The following SAMSN1 variants were observed in gnomAD, a reference collection of about 807,000 sequenced individuals.
SAMSN1 encodes the protein SAM domain-containing protein SAMSN-1.
SAMSN1 carries 31 observed loss-of-function variants against 42.0 expected under a neutral mutation model. That is an observed-to-expected ratio of 0.74 (90% CI 0.55 to 1.00). SAMSN1 has a LOEUF of 1.00. SAMSN1 is among the 50% of genes least tolerant of loss of function. The probability of loss-of-function intolerance (pLI) is 0.00; values close to 1 mark genes in which losing one functional copy is unlikely to be tolerated. For synonymous variants in SAMSN1, 178 were observed against 151.9 expected (o/e 1.17, Z -1.26); for missense variants, 464 against 439.4 (o/e 1.06, Z -0.50).
Position 14,510,450 on chromosome 21 carries a change from T to C in SAMSN1, c.421A>G (p.Ser141Gly). 1 of 1,614,192 alleles carries C rather than the reference T, an allele frequency of 6.2e-7. No individual in the cohort carries two copies. Among genetic ancestry groups the C allele is most frequent in the Non-Finnish European group, 8.5e-7 (1 of 1,180,008 alleles). The change falls in exon 5 of 8, where the codon AGC (serine) becomes GGC (glycine). Residue 141 changes from serine (S) to glycine (G), a missense_variant. Ser to Gly is a moderately conservative substitution (Grantham distance 56). Transcript: ENST00000400566. Reference protein sequence around the residue: ...SGQSSSSGITSCSDGTSNRDS... With the variant: ...SGQSSSSGITGCSDGTSNRDS... Reference sequence around the variant, plus strand: ...CGGTTACTTGTACCATCTGAACAGCTTGTTATGCCACCTGATGAAAGCAGA... The same window carrying C: ...CGGTTACTTGTACCATCTGAACAGCCTGTTATGCCACCTGATGAAAGCAGA...
At chr21:14,563,155 CAATGT>C (rs1980999105) in intron 2 of SAMSN1, among the ~76,000 whole-genome samples, 1 of 116,042 alleles carries the variant, frequency 8.6e-6, no homozygotes, top group African/African-American at 3.1e-5. Context: ...TCATATTCTG[CAATGT>C]CATCATAACC....
chr21:14,602,218 CA>C, intron 5 of SAMSN1: 2 of 347,594 alleles, frequency 5.8e-6, no homozygotes, highest in Admixed American at 4.8e-5. Context: ...TTGGCTACGT[CA>C]AAAATATTTT....
intron 1 of SAMSN1, among the ~76,000 whole-genome samples, chr21:14,522,315 C>T (rs1031917494): frequency 2.0e-5 from 3 of 152,168 alleles, no homozygotes; most frequent in Admixed American, 6.5e-5. Context: ...GATATTTCCT[C>T]ACTATCTAAT....
Position 14,488,886 on chromosome 21 carries a change from C to G in SAMSN1, c.920-2772G>C, listed in dbSNP as rs138404640. The stretch of plus-strand genomic sequence containing the variant: ...ATTTCAGGCAGGTGATCAGCTGGAA[C>G]TCTCAACTGTAACTATAAAAAGGCA... On this transcript the variant is annotated intron_variant, in intron 7 of 7. Transcript: ENST00000400566. Among the ~76,000 whole-genome samples the G allele has an allele frequency of 5.3e-5, 8 of 152,308 alleles. No individual in the cohort carries two copies. The East Asian group carries it at 1.5e-3, about 29-fold the overall frequency.
chr21:14,646,591 T>C (rs1983718025), intron 1 of SAMSN1, among the ~76,000 whole-genome samples: 1 of 152,058 alleles, frequency 6.6e-6, no homozygotes, highest in Non-Finnish European at 1.5e-5. Context: ...AACTCACTGG[T>C]AATAGTAAGT....
At chr21:14,605,799 G>A (rs973856298) in intron 5 of SAMSN1, among the ~76,000 whole-genome samples, 2 of 150,376 alleles carry the variant, frequency 1.3e-5, no homozygotes, top group African/African-American at 4.9e-5. Context: ...TAAGCCATAT[G>A]TAAAGAAGAT....
At chr21:14,534,061 C>A (rs529070019) in intron 1 of SAMSN1, among the ~76,000 whole-genome samples, 47 of 152,288 alleles carry the variant, frequency 3.1e-4, no homozygotes, top group African/African-American at 1.1e-3. Flanking sequence ...GATTACATTA[C>A]AATGTGTGAT....
At chr21:14,606,065 C>T (rs147484726) in intron 5 of SAMSN1, among the ~76,000 whole-genome samples, 1 of 152,048 alleles carries the variant, frequency 6.6e-6, no homozygotes, top group Non-Finnish European at 1.5e-5. Context: ...TGGTCTTGAT[C>T]TCCTGACCTC....
intron 2 of SAMSN1, among the ~76,000 whole-genome samples, chr21:14,635,545 A>G (rs73894121): frequency 0.03 from 4,599 of 152,216 alleles, 208 homozygotes; most frequent in African/African-American, 0.1. Flanking sequence ...CATCAACAGT[A>G]AATCCTGTTG....
intron 7 of SAMSN1, among the ~76,000 whole-genome samples, chr21:14,498,106 A>C (rs946559226): frequency 6.6e-6 from 1 of 152,200 alleles, no homozygotes; most frequent in African/African-American, 2.4e-5. Flanking sequence ...TTTCGCACTA[A>C]TGGCTTATGC....
At chr21:14,625,224 G>A (rs445139) in intron 2 of SAMSN1, among the ~76,000 whole-genome samples, 25,743 of 151,940 alleles carry the variant, frequency 0.17, 2,810 homozygotes, top group African/African-American at 0.31. Context: ...GCACAAGACA[G>A]GGATGCCCTC....
chr21:14,506,917 A>T (rs1987437580), intron 5 of SAMSN1, among the ~76,000 whole-genome samples: 1 of 152,230 alleles, frequency 6.6e-6, no homozygotes, highest in Admixed American at 6.5e-5. Context: ...GTGATACACC[A>T]CATAAACAGA....
Position 14,541,520 on chromosome 21 carries a change from T to TGTTTG in SAMSN1, c.57+4684_57+4685insCAAAC, listed in dbSNP as rs1334757538. Reference sequence around the variant, plus strand: ...TTTGTTTGTGATTTTTTGTGGTTTTTTTTGTTTGTTTGTTTGTTTTTAGCT... The same window carrying TGTTTG: ...TTTGTTTGTGATTTTTTGTGGTTTTTGTTTGTTTGTTTGTTTGTTTGTTTTTAGCT... On this transcript the variant is annotated intron_variant, in intron 1 of 7. Coordinates refer to ENST00000400566, the MANE Select transcript of SAMSN1 (RefSeq NM_022136.5). 3.3e-5 allele frequency among the ~76,000 whole-genome samples: 5 copies of TGTTTG among 151,654 alleles called. No individual in the cohort carries two copies. In the East Asian group the frequency reaches 5.8e-4, roughly 18 times the overall value.
At chr21:14,486,461 T>C (rs1246931302) in intron 7 of SAMSN1, among the ~76,000 whole-genome samples, 1 of 152,176 alleles carries the variant, frequency 6.6e-6, no homozygotes, top group Admixed American at 6.6e-5. Context: ...GTGTGACTGA[T>C]GCCTTGTCCA....
At chr21:14,649,441 T>A (rs1600984294) in intron 1 of SAMSN1, among the ~76,000 whole-genome samples, 2 of 151,950 alleles carry the variant, frequency 1.3e-5, no homozygotes, top group East Asian at 1.9e-4. Context: ...GAAAAAATTT[T>A]AAAAAAAGTT....
intron 1 of SAMSN1, among the ~76,000 whole-genome samples, chr21:14,545,705 T>C (rs1233359674): frequency 6.6e-6 from 1 of 152,116 alleles, no homozygotes; most frequent in African/African-American, 2.4e-5. Flanking sequence ...CAAATATACA[T>C]CTTTACAACG....
chr21:14,633,259 G>T (rs535547453), intron 2 of SAMSN1, among the ~76,000 whole-genome samples: 141 of 152,056 alleles, frequency 9.3e-4, no homozygotes, highest in African/African-American at 3.3e-3. Context: ...TTTCTCTAGA[G>T]AACCCTGATT....
rs1379535465 is a variant in SAMSN1 at position 14,650,266 on chromosome 21, T to C, written c.25-7133A>G. 2.0e-5 allele frequency among the ~76,000 whole-genome samples: 3 copies of C among 152,238 alleles called. No individual in the cohort carries two copies. In the East Asian group the frequency reaches 5.8e-4, roughly 29 times the overall value. On this transcript the variant is annotated intron_variant, in intron 1 of 15. Transcript: ENST00000647101. Reference sequence around the variant, plus strand: ...TTCTTTTCCCTAGAAAGTGGATCATTCTCAAGAATACAACATATGTAAAAC... The same window carrying C: ...TTCTTTTCCCTAGAAAGTGGATCATCCTCAAGAATACAACATATGTAAAAC...
chr21:14,502,018 A>G (rs2123693444), intron 5 of SAMSN1, among the ~76,000 whole-genome samples: 2 of 152,318 alleles, frequency 1.3e-5, no homozygotes, highest in South Asian at 4.1e-4. Flanking sequence ...TTGAGACTTA[A>G]AACTTTCTGC....
Sources: allele counts gnomAD v4.1 joint callset (sites outside exome capture counted in the v4.1 genomes callset), GRCh38; gene constraint gnomAD v4.1.1; transcripts MANE v1.5; gene names NCBI Gene and HGNC (gene_info 2026-07-23, HGNC 2026-07-21).